Variants in ST14 observed in about 807,000 individuals in gnomAD.
ST14 encodes the protein suppressor of tumorigenicity 14 protein.
ST14 carries 40 observed loss-of-function variants against 96.5 expected under a neutral mutation model. The observed-to-expected ratio is 0.41, with a 90% confidence interval of 0.32 to 0.54. The LOEUF (loss-of-function observed/expected upper bound fraction) is 0.54. ST14 is among the 20% of genes least tolerant of loss of function. ST14 has a pLI of 0.17. For missense variants in ST14, 1,066 were observed against 1,188.9 expected (o/e 0.90, Z 1.52); for synonymous variants, 506 against 492.1 (o/e 1.03, Z -0.37).
chr11:130,161,044 C>T (rs563712284), intron 1 of ST14, among the ~76,000 whole-genome samples: 2 of 152,212 alleles, frequency 1.3e-5, no homozygotes, highest in Non-Finnish European at 2.9e-5. Flanking sequence ...ATAGTCTCCG[C>T]CGTTGCTCCC....
At chr11:130,160,148 G>A (rs955826592) in intron 1 of ST14, 88 bp downstream of exon 1, 8 of 952,996 alleles carry the variant, frequency 8.4e-6, no homozygotes, top group Non-Finnish European at 1.1e-5. Context: ...GGCTCCCCTG[G>A]CGTGTCCGTC....
In ST14 at chr11:130,196,366, C is replaced by T. The variant is rs17667603; in HGVS notation, c.1141C>T (p.Arg381Cys). Residue 381 changes from arginine (R) to cysteine (C), a missense_variant, in exon 10 of 19, where the codon CGC becomes TGC. Physicochemically the swap from Arg to Cys is radical, Grantham distance 180. Coordinates refer to ENST00000278742, the MANE Select transcript of ST14 (RefSeq NM_021978.4). ...GCCCAACAACCAGCATGTGAAGGTG[C>T]GCTTCAAATTCTTCTACCTGCTGGA... ...EVPNNQHVKV[R>C]FKFFYLLEPG... 4.2e-5 allele frequency: 68 copies of T among 1,602,682 alleles called. 1 individual carries two copies. The East Asian group carries it at 9.7e-4, about 23-fold the overall frequency.
At chr11:130,172,954 C>T (rs898586044) in intron 1 of ST14, among the ~76,000 whole-genome samples, 26 of 152,196 alleles carry the variant, frequency 1.7e-4, no homozygotes, top group Admixed American at 1.3e-3. Context: ...AAAGAACCAG[C>T]TTCAGTGAGG....
Position 130,196,616 on chromosome 11 carries a change from A to C in ST14, c.1270A>C (p.Lys424Gln). 1 of 1,613,640 alleles carries C rather than the reference A, an allele frequency of 6.2e-7. No homozygotes were observed. The highest frequency in any genetic ancestry group is 8.5e-7 in the Non-Finnish European group (1 of 1,179,930). ...SQFVVTSNSN[K>Q]ITVRFHSDQS... ...GTTCGTCGTCACCAGCAACAGCAACAAGATCACAGTTCGCTTCCACTCAGA... is the reference window on the plus strand; with the variant it reads ...GTTCGTCGTCACCAGCAACAGCAACCAGATCACAGTTCGCTTCCACTCAGA... Residue 424 changes from lysine to glutamine, a missense_variant, in exon 11 of 19, where the codon AAG (lysine) becomes CAG (glutamine). Lys to Gln is a moderately conservative substitution (Grantham distance 53). Transcript: ENST00000278742.
intron 7 of ST14, among the ~76,000 whole-genome samples, chr11:130,193,603 G>A (rs1265805782): frequency 3.3e-5 from 5 of 152,018 alleles, no homozygotes. Context: ...TGGAGTAGCT[G>A]GGATTACAGG....
intron 5 of ST14, 68 bp from the exon 6 acceptor site, chr11:130,190,042 GATA>G (rs1555153816): frequency 6.2e-7 from 1 of 1,612,540 alleles, no homozygotes; most frequent in Non-Finnish European, 8.5e-7. Context: ...CCTCCCTTTA[GATA>G]ATAAGGAAGC....
intron 1 of ST14, among the ~76,000 whole-genome samples, chr11:130,164,395 C>T (rs969146550): frequency 2.8e-4 from 42 of 151,546 alleles, no homozygotes; most frequent in Admixed American, 1.4e-3. Flanking sequence ...AAGTATTACC[C>T]TTCTCAGAGA....
At chr11:130,189,586 A>G (rs1343481298) in intron 4 of ST14, 153 bp from the exon 5 acceptor site, 5 of 979,886 alleles carry the variant, frequency 5.1e-6, no homozygotes, top group Non-Finnish European at 7.6e-6. Flanking sequence ...TTGGGGTGGA[A>G]AGAGGGATGA....
intron 9 of ST14, among the ~76,000 whole-genome samples, chr11:130,195,696 T>C (rs940360313): frequency 1.3e-5 from 2 of 151,628 alleles, no homozygotes; most frequent in Non-Finnish European, 2.9e-5. Flanking sequence ...CTACTAAAAA[T>C]ACAAAAATTA....
intron 4 of ST14, 140 bp from the exon 5 acceptor site, chr11:130,189,599 C>A (rs754801410): frequency 4.5e-6 from 5 of 1,105,170 alleles, no homozygotes; most frequent in East Asian, 4.9e-5. Flanking sequence ...AGGGATGACA[C>A]AAGAGGAGCT....
At position 130,197,845 on chromosome 11, in the gene ST14, C is replaced by T. The variant is rs758356940; in HGVS notation, c.1359C>T (p.Cys453=). 6.4e-7 allele frequency: 1 copy of T among 1,573,788 alleles called. No individual in the cohort carries two copies. Among genetic ancestry groups the T allele is most frequent in the African/African-American group, 1.3e-5 (1 of 74,338 alleles). Residue 453 remains cysteine (C), a synonymous_variant, in exon 12 of 19, where the codon TGC becomes TGT. Transcript: ENST00000278742. ...EYLSYDSSDP[C]PGQFTCRTGR... is the part of the protein sequence containing the mutation. ...CAGGCCTGCCTGTGCCCGCAGCATG[C>T]CCGGGGCAGTTCACGTGCCGCACGG...
chr11:130,194,831 C>G, intron 9 of ST14, 94 bp downstream of exon 9: 4 of 1,259,430 alleles, frequency 3.2e-6, no homozygotes, highest in East Asian at 2.4e-5. Context: ...GATGTGTGTG[C>G]ATGTGTTTGC....
chr11:130,164,768 C>T (rs954214012), intron 1 of ST14, among the ~76,000 whole-genome samples: 167 of 143,682 alleles, frequency 1.2e-3, no homozygotes, highest in African/African-American at 4.3e-3. Flanking sequence ...GATGGAGTTT[C>T]GCTCTTTTTG....
intron 1 of ST14, among the ~76,000 whole-genome samples, chr11:130,169,886 C>T (rs774387379): frequency 1.3e-5 from 2 of 152,112 alleles, no homozygotes; most frequent in Non-Finnish European, 2.9e-5. Flanking sequence ...TTTCTCTTGT[C>T]GGGTTTTGGG....
chr11:130,175,724 T>C (rs1294460001), intron 1 of ST14, among the ~76,000 whole-genome samples: 3 of 149,144 alleles, frequency 2.0e-5, no homozygotes, highest in Middle Eastern at 3.6e-3. Flanking sequence ...AGTGCAATGG[T>C]GCGATCTCGG....
At chr11:130,183,745 A>G (rs1953214455) in intron 1 of ST14, among the ~76,000 whole-genome samples, 1 of 152,084 alleles carries the variant, frequency 6.6e-6, no homozygotes, top group Non-Finnish European at 1.5e-5. Flanking sequence ...AGTATTTCAT[A>G]TTTTTGAAGC....
chr11:130,206,551 CTT>C (rs1953491275), intron 16 of ST14, among the ~76,000 whole-genome samples: 1 of 149,084 alleles, frequency 6.7e-6, no homozygotes, highest in African/African-American at 2.5e-5. Flanking sequence ...CTTTCTTTCT[CTT>C]TCTCTTTTCT....
At position 130,178,331 on chromosome 11, in the gene ST14, G is replaced by A. The variant is rs974654087; in HGVS notation, c.82-9783G>A. ...TTGGCAGATGCTGGGTGCTTATCAC[G>A]AATGACAGCAAAATGGTGTCAGTGA... On this transcript the variant is annotated intron_variant, in intron 1 of 18. Transcript: ENST00000278742. Among the ~76,000 whole-genome samples the A allele has an allele frequency of 4.3e-5, 4 of 94,088 alleles. 1 individual carries two copies. The South Asian group carries it at 7.0e-4, about 17-fold the overall frequency. The allele number at this position is 94,088 out of a possible 152,430, so 61.7% of individuals were successfully genotyped here. A position where few individuals can be genotyped will look rare whatever the true frequency, so the allele number is the denominator to read the frequency against.
At chr11:130,161,547 C>G (rs954892637) in intron 1 of ST14, among the ~76,000 whole-genome samples, 1 of 152,204 alleles carries the variant, frequency 6.6e-6, no homozygotes, top group Non-Finnish European at 1.5e-5. Flanking sequence ...CATCTCACCA[C>G]CTGACAAGCA....
Sources: gnomAD v4.1 joint callset for allele counts (sites outside exome capture counted in the v4.1 genomes callset) on GRCh38, gnomAD v4.1.1 for gene constraint, MANE v1.5 for transcripts, NCBI Gene and HGNC (gene_info 2026-07-23, HGNC 2026-07-21) for gene names.